The following SERAC1 variants were observed in gnomAD, a reference collection of about 807,000 sequenced individuals.
SERAC1 encodes protein SERAC1.
SERAC1 carries 36 observed loss-of-function variants against 85.7 expected under a neutral mutation model. That is an observed-to-expected ratio of 0.42 (90% CI 0.32 to 0.55). SERAC1 has a LOEUF of 0.55. Among genes scored for constraint, SERAC1 ranks in the 20% least tolerant of loss-of-function variants. SERAC1 has a pLI of 0.11. For missense variants in SERAC1, 629 were observed against 796.2 expected (o/e 0.79, Z 2.53); for synonymous variants, 242 against 265.3 (o/e 0.91, Z 0.85).
intron 6 of SERAC1, among the ~76,000 whole-genome samples, chr6:158,145,616 G>T (rs1195797657): frequency 6.6e-6 from 1 of 151,300 alleles, no homozygotes; most frequent in South Asian, 2.1e-4. Context: ...CACCTCGTGG[G>T]TTCGCAATTC....
chr6:158,116,216 C>T lies in SERAC1; in HGVS notation c.1470G>A (p.Arg490=), dbSNP rs769535959. ...TGCTATGTGATATCCAAACCACTGG[C>T]CTATCCCCAACACCAGCAGCTCTGA... ...RKLRAAGVGD[R]PVVWISHSMG... The change falls in exon 14 of 17, where the codon AGG becomes AGA. Residue 490 remains arginine, a synonymous_variant. Transcript: ENST00000647468. The T allele has an allele frequency of 5.0e-6, 8 of 1,613,964 alleles. No homozygotes were observed. The African/African-American group carries it at 8.0e-5, about 16-fold the overall frequency.
intron 14 of SERAC1, 21 bp downstream of exon 14, chr6:158,116,164 C>G: frequency 6.3e-7 from 1 of 1,599,512 alleles, no homozygotes; most frequent in Non-Finnish European, 8.6e-7. Context: ...GGCCACTTCA[C>G]AAAGTTGAAG....
At chr6:158,135,313 C>T (rs867076379) in intron 8 of SERAC1, among the ~76,000 whole-genome samples, 1 of 152,148 alleles carries the variant, frequency 6.6e-6, no homozygotes, top group Non-Finnish European at 1.5e-5. Context: ...AGGCAGATCA[C>T]CTGAGGTCAG....
chr6:158,136,986 C>T (rs1456864946), intron 8 of SERAC1, among the ~76,000 whole-genome samples: 3 of 152,116 alleles, frequency 2.0e-5, no homozygotes, highest in East Asian at 1.9e-4. Flanking sequence ...GGTGAAACCC[C>T]GTCTCTACTA....
Position 158,116,456 on chromosome 6 carries a change from T to C in SERAC1, c.1404-174A>G, listed in dbSNP as rs116781218. The C allele has an allele frequency of 2.6e-3, 1,461 of 566,414 alleles. 22 individuals carry two copies. Among genetic ancestry groups the C allele is most frequent in the African/African-American group, 0.024 (1,301 of 53,302 alleles). 35.1% of individuals were successfully genotyped at this position (566,414 alleles called of 1,614,324 possible). A position where few individuals can be genotyped will look rare whatever the true frequency, so the allele number is the denominator to read the frequency against. ...TATAAAATACCCCTATTCTCTCTTA[T>C]TGAACTCCTGGCCCCAAGGAATCCT... is the stretch of plus-strand genomic sequence containing the variant. On this transcript the variant is annotated intron_variant, in intron 13 of 16. Transcript: ENST00000647468.
Position 158,117,271 on chromosome 6 carries a change from A to G in SERAC1, c.1403+456T>C. 1 of 517,510 alleles carries G rather than the reference A, an allele frequency of 1.9e-6. No individual in the cohort carries two copies. Among genetic ancestry groups the G allele is most frequent in the African/African-American group, 1.9e-5 (1 of 52,488 alleles). The allele number at this position is 517,510 out of a possible 1,614,324, so 32.1% of individuals were successfully genotyped here. A position where few individuals can be genotyped will look rare whatever the true frequency, so the allele number is the denominator to read the frequency against. ...AGCAAATCAAAGGTAGGATCCGGCT[A>G]CTCTCAGTCCAGTAACTCTGAAATC... On this transcript the variant is annotated intron_variant, in intron 13 of 16. Transcript: ENST00000647468. The surrounding 1 kb of genome is among the most constrained non-coding windows in gnomAD (Gnocchi z 4.3).
intron 8 of SERAC1, among the ~76,000 whole-genome samples, chr6:158,137,818 G>A (rs1784828287): frequency 6.6e-6 from 1 of 152,010 alleles, no homozygotes; most frequent in Non-Finnish European, 1.5e-5. Flanking sequence ...GGTGGAGGTT[G>A]TAGTGAGCTG....
At chr6:158,144,544 A>C in intron 6 of SERAC1, 124 bp from the exon 7 acceptor site, 1 of 899,434 alleles carries the variant, frequency 1.1e-6, no homozygotes, top group Non-Finnish European at 1.6e-6. Flanking sequence ...TGTAATCCAA[A>C]ATTTCCCAAG....
chr6:158,167,603 A>T (rs1446258497), intron 1 of SERAC1, among the ~76,000 whole-genome samples: 1 of 152,036 alleles, frequency 6.6e-6, no homozygotes, highest in African/African-American at 2.4e-5. Context: ...TAAGGAACAG[A>T]AAACAAGAAT....
intron 14 of SERAC1, 68 bp downstream of exon 14, chr6:158,116,111 ATAACTT>A (rs998255377): frequency 3.2e-5 from 39 of 1,213,120 alleles, no homozygotes; most frequent in African/African-American, 3.0e-4. Flanking sequence ...GAAAGATAAA[ATAACTT>A]TAGGTTGGCC....
At chr6:158,167,518 A>G (rs1785631580) in intron 1 of SERAC1, among the ~76,000 whole-genome samples, 1 of 142,016 alleles carries the variant, frequency 7.0e-6, no homozygotes, top group African/African-American at 2.7e-5. Flanking sequence ...AGCCTGGCAG[A>G]CAGACCGAGA....
At chr6:158,153,177 A>C (rs1785246580) in intron 3 of SERAC1, among the ~76,000 whole-genome samples, 2 of 152,182 alleles carry the variant, frequency 1.3e-5, no homozygotes, top group Non-Finnish European at 2.9e-5. Context: ...AACAGAGCTT[A>C]GTTTTGCCTG....
intron 10 of SERAC1, 32 bp downstream of exon 10, chr6:158,128,076 A>C (rs1784587617): frequency 6.3e-7 from 1 of 1,593,766 alleles, no homozygotes; most frequent in Non-Finnish European, 8.6e-7. Flanking sequence ...GGGAGAACAA[A>C]GTAAAAAATA....
intron 8 of SERAC1, among the ~76,000 whole-genome samples, chr6:158,142,841 T>C (rs763331625): frequency 2.5e-4 from 38 of 152,270 alleles, no homozygotes; most frequent in Middle Eastern, 6.8e-3. Context: ...TTAAGCATAG[T>C]GAAGGGCTCC....
intron 8 of SERAC1, among the ~76,000 whole-genome samples, chr6:158,141,620 G>T (rs1433992085): frequency 6.6e-6 from 1 of 152,134 alleles, no homozygotes; most frequent in Non-Finnish European, 1.5e-5. Context: ...ACCTTTTCCT[G>T]TAAGAAGAAC....
At chr6:158,118,735 TTGTTA>T (rs1278473997) in intron 12 of SERAC1, among the ~76,000 whole-genome samples, 3 of 152,224 alleles carry the variant, frequency 2.0e-5, no homozygotes, top group African/African-American at 4.8e-5. Flanking sequence ...AATGTAAGTA[TTGTTA>T]TGTTATTTTT....
chr6:158,120,374 T>C lies in SERAC1; in HGVS notation c.1166+51A>G. 6 of 1,561,640 alleles carry C rather than the reference T, an allele frequency of 3.8e-6. No individual in the cohort carries two copies. The highest frequency in any genetic ancestry group is 5.2e-6 in the Non-Finnish European group (6 of 1,150,880). On this transcript the variant is annotated intron_variant, in intron 11 of 16. Transcript: ENST00000647468. This position sits in a 1 kb window ranked among gnomAD's most constrained non-coding sequence, Gnocchi z 4.4. The stretch of plus-strand genomic sequence containing the variant: ...AAATAAGTTAAAAATTTGAGGCCTC[T>C]AGGCTTCACATTTCCAAAGGGGACA...
Position 158,111,364 on chromosome 6 carries a change from T to G in SERAC1, c.*2A>C, listed in dbSNP as rs370877945. ...CATATGAAAACTGGAAGAGCACAAC[T>G]GTTAGTTTTCAAGGTCTTTGGCTAA... On this transcript the variant is annotated 3_prime_UTR_variant, in exon 17 of 17. Coordinates refer to ENST00000647468, the MANE Select transcript of SERAC1 (RefSeq NM_032861.4). 19 of 1,580,874 alleles carry G rather than the reference T, an allele frequency of 1.2e-5. No individual in the cohort carries two copies. The highest frequency in any genetic ancestry group is 1.6e-5 in the Non-Finnish European group (19 of 1,169,296).
intron 8 of SERAC1, among the ~76,000 whole-genome samples, chr6:158,136,643 G>A (rs1414666896): frequency 1.3e-5 from 2 of 152,088 alleles, no homozygotes; most frequent in Non-Finnish European, 2.9e-5. Context: ...TACAGGCATG[G>A]GCCACTGTGC....
Sources: allele counts gnomAD v4.1 joint callset (sites outside exome capture counted in the v4.1 genomes callset), GRCh38; gene constraint gnomAD v4.1.1; non-coding constraint Gnocchi (gnomAD v3.1); transcripts MANE v1.5; gene names NCBI Gene and HGNC (gene_info 2026-07-23, HGNC 2026-07-21).